SIPA1L2: variants seen among roughly 807,000 people sequenced by gnomAD.
SIPA1L2 encodes the protein signal induced proliferation associated 1 like 2.
Under a neutral mutation model 163.9 loss-of-function variants are expected in SIPA1L2, and 56 were observed. The ratio of observed to expected loss-of-function variants is 0.34; its 90% CI spans 0.28 to 0.43. The LOEUF (loss-of-function observed/expected upper bound fraction) is 0.43. Among genes scored for constraint, SIPA1L2 ranks in the 20% least tolerant of loss-of-function variants. The pLI, the probability that SIPA1L2 is intolerant of heterozygous loss-of-function variation, is 1.00. For missense variants in SIPA1L2, 1,974 were observed against 2,193.5 expected (o/e 0.90, Z 2.00); for synonymous variants, 877 against 865.7 (o/e 1.01, Z -0.23).
chr1:232,475,056 G>A (rs1339160193), intron 7 of SIPA1L2, among the ~76,000 whole-genome samples: 1 of 152,158 alleles, frequency 6.6e-6, no homozygotes, highest in Non-Finnish European at 1.5e-5. Flanking sequence ...TCATCTGCAG[G>A]TCTCCAGAGA....
intron 15 of SIPA1L2, among the ~76,000 whole-genome samples, chr1:232,438,202 T>C (rs1051042047): frequency 6.6e-6 from 1 of 152,124 alleles, no homozygotes; most frequent in Non-Finnish European, 1.5e-5. Context: ...GCACCATCAT[T>C]TGGAGAAATG....
chr1:232,475,360 G>T (rs1409695408), intron 7 of SIPA1L2, among the ~76,000 whole-genome samples: 4 of 152,154 alleles, frequency 2.6e-5, no homozygotes, highest in Non-Finnish European at 5.9e-5. Flanking sequence ...CTCTTTTAGG[G>T]AGATGGCCCT....
intron 2 of SIPA1L2, among the ~76,000 whole-genome samples, chr1:232,564,806 A>G (rs1401998316): frequency 6.6e-6 from 1 of 152,150 alleles, no homozygotes; most frequent in African/African-American, 2.4e-5. Context: ...GTAATAAATA[A>G]TAAGTGTACA....
intron 10 of SIPA1L2, among the ~76,000 whole-genome samples, chr1:232,448,939 G>C (rs1473412029): frequency 6.6e-6 from 1 of 152,038 alleles, no homozygotes; most frequent in Admixed American, 6.5e-5. Flanking sequence ...GGAGAACAGG[G>C]ATGAAAATGA....
chr1:232,509,895 T>A (rs1457646097), intron 3 of SIPA1L2, among the ~76,000 whole-genome samples: 1 of 152,150 alleles, frequency 6.6e-6, no homozygotes. Flanking sequence ...TCGGCCTTCT[T>A]CTCGCTCCTG....
rs369272322 is a variant in SIPA1L2, at chr1:232,428,518, T to C, written c.4303A>G (p.Thr1435Ala). ...TCTGCAACAGCATCTCCCACCACTG[T>C]CTGATGCTGAGTTGCTGTGGACATG... The part of the protein sequence containing the change: ...DVMSTATQHQ[T>A]VVGDAVAETQ... The change falls in exon 17 of 23, where the codon ACA becomes GCA. Residue 1435 changes from threonine (T) to alanine (A), a missense_variant. Physicochemically the swap from Thr to Ala is moderately conservative, Grantham distance 58. Around this residue, in one of 3 missense-constraint regions of SIPA1L2, gnomAD observed 1,079 missense variants for 1,150.7 expected, o/e 0.94. Transcript: ENST00000674635. 1.2e-5 allele frequency: 19 copies of C among 1,593,468 alleles called. No homozygotes were observed. The East Asian group carries it at 1.8e-4, about 15-fold the overall frequency.
chr1:232,593,820 C>T (rs1252484160), intron 1 of SIPA1L2, among the ~76,000 whole-genome samples: 2 of 152,198 alleles, frequency 1.3e-5, no homozygotes. Flanking sequence ...TTAGAAAAGT[C>T]ACCTTTCAGC....
At chr1:232,628,748 C>T (rs1380508147) in intron 1 of SIPA1L2, among the ~76,000 whole-genome samples, 2 of 152,074 alleles carry the variant, frequency 1.3e-5, no homozygotes, top group Non-Finnish European at 2.9e-5. Flanking sequence ...CACACAAACG[C>T]GACTCAAATG....
chr1:232,604,739 C>T (rs536173690), intron 1 of SIPA1L2, among the ~76,000 whole-genome samples: 2 of 152,218 alleles, frequency 1.3e-5, no homozygotes, highest in African/African-American at 2.4e-5. Context: ...GGTTTAGCAC[C>T]AGCCTCCTAG....
chr1:232,563,645 TTCAGTTTTAAC>T (rs1659172750), intron 2 of SIPA1L2, among the ~76,000 whole-genome samples: 1 of 152,220 alleles, frequency 6.6e-6, no homozygotes, highest in Non-Finnish European at 1.5e-5. Flanking sequence ...ATGTTGGAAA[TTCAGTTTTAAC>T]TCAGTTTTAA....
intron 10 of SIPA1L2, among the ~76,000 whole-genome samples, chr1:232,451,803 A>ACGG (rs1480586567): frequency 4.6e-5 from 7 of 152,068 alleles, no homozygotes; most frequent in Non-Finnish European, 1.0e-4. Context: ...TTGCTCCATA[A>ACGG]CAAATGTACA....
intron 1 of SIPA1L2, among the ~76,000 whole-genome samples, chr1:232,582,047 G>A (rs1166072129): frequency 2.6e-5 from 4 of 152,178 alleles, no homozygotes; most frequent in Non-Finnish European, 4.4e-5. Flanking sequence ...TTCTTAATGG[G>A]CAGAAGCCTT....
chr1:232,430,247 GA>G (rs1201959372), intron 16 of SIPA1L2, among the ~76,000 whole-genome samples: 1 of 152,220 alleles, frequency 6.6e-6, no homozygotes, highest in Admixed American at 6.5e-5. Flanking sequence ...AGCGGGTGCA[GA>G]GAACAATCCC....
chr1:232,478,253 G>A (rs1018030834), intron 7 of SIPA1L2, among the ~76,000 whole-genome samples: 2 of 152,148 alleles, frequency 1.3e-5, no homozygotes, highest in African/African-American at 4.8e-5. Context: ...AAGGTGGTAG[G>A]AAGAACTATG....
At chr1:232,432,609 T>C in intron 15 of SIPA1L2, 138 bp from the exon 16 acceptor site, 1 of 720,316 alleles carries the variant, frequency 1.4e-6, no homozygotes, top group Admixed American at 2.6e-5. Context: ...AGATGGAGCC[T>C]TCTTTCTACC....
Position 232,491,054 on chromosome 1 carries a change from T to C in SIPA1L2, c.1626A>G (p.Thr542=). 6.2e-7 allele frequency: 1 copy of C among 1,612,854 alleles called. No homozygotes were observed. Among genetic ancestry groups the C allele is most frequent in the South Asian group, 1.1e-5 (1 of 90,816 alleles). ...CATCTTCTAAAATTGCTCCTCTCAG[T>C]GTTGTAAGCTGCAGTGACAAAACAT... The part of the protein sequence containing the change: ...RVAFRTSELT[T]LRGAILEDAI... The change falls in exon 5 of 23, where the codon ACA becomes ACG. Residue 542 remains threonine, a synonymous_variant. Coordinates refer to ENST00000674635, the MANE Select transcript of SIPA1L2 (RefSeq NM_020808.5).
At chr1:232,480,168 T>C (rs12402695) in intron 6 of SIPA1L2, among the ~76,000 whole-genome samples, 36,310 of 150,728 alleles carry the variant, frequency 0.24, 4,584 homozygotes, top group Admixed American at 0.34. Context: ...TGTGTGTGTG[T>C]GTGTGTGTGT....
intron 1 of SIPA1L2, among the ~76,000 whole-genome samples, chr1:232,579,487 G>C (rs1198462958): frequency 1.3e-5 from 2 of 152,180 alleles, no homozygotes; most frequent in African/African-American, 4.8e-5. Context: ...TTTTCCAAAA[G>C]AGAAGAAGAA....
chr1:232,484,004 T>C, intron 5 of SIPA1L2, 38 bp from the exon 6 acceptor site: 1 of 1,571,344 alleles, frequency 6.4e-7, no homozygotes, highest in Non-Finnish European at 8.6e-7. Context: ...TGGCAAAGCA[T>C]ATCAGACAAG....
Sources: gnomAD v4.1 joint callset for allele counts (sites outside exome capture counted in the v4.1 genomes callset) on GRCh38, gnomAD v4.1.1 for gene constraint, gnomAD v4.1.1 regional missense constraint, MANE v1.5 for transcripts, NCBI Gene and HGNC (gene_info 2026-07-23, HGNC 2026-07-21) for gene names.